Variants in CELSR1 observed in about 807,000 individuals in gnomAD.
CELSR1 encodes the protein adhesion G protein-coupled receptor C1.
In CELSR1, 110 loss-of-function variants were observed where a neutral mutation model predicts 249.1. The ratio of observed to expected loss-of-function variants is 0.44; its 90% CI spans 0.38 to 0.52. CELSR1 has a LOEUF of 0.52. Among genes scored for constraint, CELSR1 ranks in the 20% least tolerant of loss-of-function variants. The pLI, the probability that CELSR1 is intolerant of heterozygous loss-of-function variation, is 0.00. For synonymous variants in CELSR1, 2,113 were observed against 1,900.0 expected, an observed-to-expected ratio of 1.11 and a Z score of -2.92; for missense variants, 4,109 against 4,296.4, an observed-to-expected ratio of 0.96 and a Z score of 1.22.
Position 46,526,192 on chromosome 22 carries a change from G to C in CELSR1, c.3544+7435C>G, listed in dbSNP as rs1336895384. The stretch of plus-strand genomic sequence containing the variant: ...GCCTCCTGCTCCTCCATTCCCTCCA[G>C]GTCTGATGACTCAGAGAGAGGCAGA... On this transcript the variant is annotated intron_variant, in intron 1 of 34. Coordinates refer to ENST00000674500, the MANE Select transcript of CELSR1 (RefSeq NM_001378328.1). This position sits in a 1 kb window ranked among gnomAD's most constrained non-coding sequence, Gnocchi z 4.7. 6.6e-6 allele frequency among the ~76,000 whole-genome samples: 1 copy of C among 152,138 alleles called. No individual in the cohort carries two copies. The highest frequency in any genetic ancestry group is 1.5e-5 in the Non-Finnish European group (1 of 68,018).
At chr22:46,531,348 G>A (rs2080790359) in intron 1 of CELSR1, among the ~76,000 whole-genome samples, 1 of 152,016 alleles carries the variant, frequency 6.6e-6, no homozygotes, top group Non-Finnish European at 1.5e-5. Context: ...TGGGACTACA[G>A]GTGCTCGCCA....
chr22:46,444,218 T>C (rs1211658493), intron 2 of CELSR1, among the ~76,000 whole-genome samples: 1 of 152,208 alleles, frequency 6.6e-6, no homozygotes, highest in Non-Finnish European at 1.5e-5. Context: ...GCTTCTCACC[T>C]CCAGCCTGGG....
chr22:46,372,318 A>G lies in CELSR1; in HGVS notation c.7759+565T>C, dbSNP rs1036272062. On this transcript the variant is annotated intron_variant, in intron 25 of 34. Coordinates refer to ENST00000674500, the MANE Select transcript of CELSR1 (RefSeq NM_001378328.1). ...CCACTCGCTCCCCACCCATCCATCC[A>G]TCCACTCACTCACCCCATCTATCCA... 3.6e-5 allele frequency among the ~76,000 whole-genome samples: 4 copies of G among 110,608 alleles called. No homozygotes were observed. In the Admixed American group the frequency reaches 3.9e-4, roughly 11 times the overall value. The allele number at this position is 110,608 out of a possible 152,430, so 72.6% of individuals were successfully genotyped here.
In CELSR1 at chr22:46,410,178, G is replaced by A. The variant is rs1232237949; in HGVS notation, c.4933+220C>T. 6.6e-6 allele frequency among the ~76,000 whole-genome samples: 1 copy of A among 152,258 alleles called. No homozygotes were observed. Among genetic ancestry groups the A allele is most frequent in the Admixed American group, 6.5e-5 (1 of 15,292 alleles). Reference sequence around the variant, plus strand: ...CTCGGGTTAGCTGGCTGGGCCAGCAGTGCCAAGGCAACCCCAAACTGCAGA... The same window carrying A: ...CTCGGGTTAGCTGGCTGGGCCAGCAATGCCAAGGCAACCCCAAACTGCAGA... On this transcript the variant is annotated intron_variant, in intron 7 of 34. Transcript: ENST00000674500. This position sits in a 1 kb window ranked among gnomAD's most constrained non-coding sequence, Gnocchi z 6.8.
intron 33 of CELSR1, 123 bp from the exon 34 acceptor site, chr22:46,364,374 C>A: frequency 1.3e-6 from 2 of 1,511,808 alleles, no homozygotes; most frequent in Non-Finnish European, 1.8e-6. Flanking sequence ...GGTCCCAGGG[C>A]TAGGCCAGGA....
rs181024776 is a variant in CELSR1, at chr22:46,495,954, G to A, written c.3545-31609C>T. On this transcript the variant is annotated intron_variant, in intron 1 of 34. Transcript: ENST00000674500. ...CATGCCTGTAATCCCAGCGCTTTGGGAGGCCAAGGTGGGCGGATCACCTGA... is the reference window on the plus strand; with the variant it reads ...CATGCCTGTAATCCCAGCGCTTTGGAAGGCCAAGGTGGGCGGATCACCTGA... 3.7e-3 allele frequency among the ~76,000 whole-genome samples: 566 copies of A among 152,204 alleles called. 1 individual carries two copies. The highest frequency in any genetic ancestry group is 6.8e-3 in the Middle Eastern group (2 of 294).
intron 1 of CELSR1, among the ~76,000 whole-genome samples, chr22:46,465,065 G>T (rs533854247): frequency 6.6e-6 from 1 of 152,298 alleles, no homozygotes; most frequent in Admixed American, 6.5e-5. Flanking sequence ...GGCCAAGACG[G>T]TGGAGCACCT....
chr22:46,514,741 G>A (rs960171206), intron 1 of CELSR1, among the ~76,000 whole-genome samples: 6 of 152,158 alleles, frequency 3.9e-5, no homozygotes, highest in Non-Finnish European at 7.4e-5. Flanking sequence ...AATAAGAGGG[G>A]TGTTTCTGAA....
At chr22:46,414,300 C>T (rs2079371778) in intron 5 of CELSR1, among the ~76,000 whole-genome samples, 1 of 152,220 alleles carries the variant, frequency 6.6e-6, no homozygotes, top group Admixed American at 6.5e-5. Flanking sequence ...TCAAAAGTAA[C>T]AGCACTTTTG....
intron 14 of CELSR1, among the ~76,000 whole-genome samples, chr22:46,392,884 G>A (rs9615358): frequency 0.21 from 31,554 of 151,966 alleles, 4,260 homozygotes; most frequent in African/African-American, 0.39. Context: ...GAAAAAAATC[G>A]TAGGCAAGTT....
chr22:46,528,046 G>A (rs1008752756), intron 1 of CELSR1, among the ~76,000 whole-genome samples: 2 of 150,460 alleles, frequency 1.3e-5, no homozygotes, highest in Non-Finnish European at 2.9e-5. Flanking sequence ...AGAGGTTGCA[G>A]TGAGCCAAAT....
chr22:46,365,017 A>G (rs999768781), intron 32 of CELSR1, among the ~76,000 whole-genome samples: 1 of 152,148 alleles, frequency 6.6e-6, no homozygotes, highest in African/African-American at 2.4e-5. Context: ...GACCCCCCTG[A>G]GAGTTCCTGC....
Position 46,534,654 on chromosome 22 carries a change from G to C in CELSR1, c.2517C>G (p.Pro839=), listed in dbSNP as rs770204475. 3.1e-6 allele frequency: 5 copies of C among 1,613,728 alleles called. No individual in the cohort carries two copies. The highest frequency in any genetic ancestry group is 3.4e-6 in the Non-Finnish European group (4 of 1,180,028). ...QDPVPQFRID[P]DSGTMYTMME... The stretch of plus-strand genomic sequence containing the variant: ...TCATGGTGTACATGGTGCCACTGTC[G>C]GGGTCAATGCGGAACTGCGGCACGG... Residue 839 remains proline, a synonymous_variant, in exon 1 of 35, where the codon CCC becomes CCG. Coordinates refer to ENST00000674500, the MANE Select transcript of CELSR1 (RefSeq NM_001378328.1). This position sits in a 1 kb window ranked among gnomAD's most constrained non-coding sequence, Gnocchi z 9.7.
chr22:46,496,437 A>G (rs1026340327), intron 1 of CELSR1, among the ~76,000 whole-genome samples: 1 of 151,762 alleles, frequency 6.6e-6, no homozygotes, highest in Admixed American at 6.6e-5. Context: ...GTGTGGTGGC[A>G]TACACCTGTA....
chr22:46,450,494 G>T (rs2079870950), intron 2 of CELSR1, among the ~76,000 whole-genome samples: 1 of 152,244 alleles, frequency 6.6e-6, no homozygotes, highest in African/African-American at 2.4e-5. Flanking sequence ...TTCCCTACAA[G>T]GCAGGCCGCA....
At position 46,434,073 on chromosome 22, in the gene CELSR1, G is replaced by T. The variant is rs974841826; in HGVS notation, c.4523-592C>A. On this transcript the variant is annotated intron_variant, in intron 4 of 34. Coordinates refer to ENST00000674500, the MANE Select transcript of CELSR1 (RefSeq NM_001378328.1). This position sits in a 1 kb window ranked among gnomAD's most constrained non-coding sequence, Gnocchi z 4.9. ...TCACACCTACACCGCACCAGAGGTC[G>T]AACCCTTTTTCCTATGCATTGCATC... Among the ~76,000 whole-genome samples, 1 of 152,214 alleles carries T rather than the reference G, an allele frequency of 6.6e-6. No individual in the cohort carries two copies. Among genetic ancestry groups the T allele is most frequent in the Admixed American group, 6.5e-5 (1 of 15,280 alleles).
rs1170172320 is a variant in CELSR1 at position 46,399,820 on chromosome 22, G to C, written c.5309C>G (p.Thr1770Ser). Reference protein sequence around the residue: ...ESVMLSGLRVTDGEWHHLLIE... With the variant: ...ESVMLSGLRVSDGEWHHLLIE... Reference sequence around the variant, plus strand: ...CAGCAGGTGGTGCCACTCCCCGTCGGTCACCCGCAACCCGGACAGCATCAC... The same window carrying C: ...CAGCAGGTGGTGCCACTCCCCGTCGCTCACCCGCAACCCGGACAGCATCAC... Residue 1770 changes from threonine (T) to serine (S), a missense_variant, in exon 10 of 35, where the codon ACC becomes AGC. Thr to Ser is a moderately conservative substitution (Grantham distance 58). This residue lies in a region of CELSR1 where 1,805 missense variants were observed against 1,831.6 expected (regional missense o/e 0.99). Transcript: ENST00000674500. The surrounding 1 kb of genome is among the most constrained non-coding windows in gnomAD (Gnocchi z 5.0). 2.5e-6 allele frequency: 4 copies of C among 1,614,002 alleles called. No individual in the cohort carries two copies. Among genetic ancestry groups the C allele is most frequent in the African/African-American group, 1.3e-5 (1 of 74,908 alleles).
chr22:46,426,448 C>G (rs570646867), intron 5 of CELSR1, among the ~76,000 whole-genome samples: 1 of 152,236 alleles, frequency 6.6e-6, no homozygotes, highest in East Asian at 1.9e-4. Flanking sequence ...CACCCGGTTC[C>G]TAGACCACAC....
intron 22 of CELSR1, among the ~76,000 whole-genome samples, chr22:46,379,130 T>C (rs547453036): frequency 9.1e-4 from 139 of 152,198 alleles, no homozygotes; most frequent in Non-Finnish European, 1.2e-3. Flanking sequence ...ACAGCTGCGA[T>C]GCGGTCCCGT....
Sources: allele counts gnomAD v4.1 joint callset (sites outside exome capture counted in the v4.1 genomes callset), GRCh38; gene constraint gnomAD v4.1.1; regional missense constraint gnomAD v4.1.1; non-coding constraint Gnocchi (gnomAD v3.1); transcripts MANE v1.5; gene names NCBI Gene and HGNC (gene_info 2026-07-23, HGNC 2026-07-21).